The following ZNF704 variants were observed in gnomAD, a reference collection of about 807,000 sequenced individuals.
ZNF704 encodes the protein zinc finger protein 704, also known as glucocorticoid induced gene 1.
In ZNF704, 10 loss-of-function variants were observed where a neutral mutation model predicts 44.7. The ratio of observed to expected loss-of-function variants is 0.22; its 90% CI spans 0.14 to 0.38. ZNF704 has a LOEUF of 0.38. Ranked by LOEUF, ZNF704 falls within the 10% of genes least tolerant of loss-of-function variation. The pLI is 1.00. For synonymous variants in ZNF704, 211 were observed against 207.6 expected (o/e 1.02, Z -0.14); for missense variants, 390 against 545.5 (o/e 0.71, Z 2.84).
At chr8:80,697,429 C>A (rs957315868) in intron 2 of ZNF704, among the ~76,000 whole-genome samples, 2 of 152,178 alleles carry the variant, frequency 1.3e-5, no homozygotes, top group African/African-American at 4.8e-5. Flanking sequence ...AGGGACACTG[C>A]CCCTCCATGC....
intron 2 of ZNF704, among the ~76,000 whole-genome samples, chr8:80,742,931 G>A (rs183686166): frequency 3.2e-4 from 48 of 152,066 alleles, no homozygotes; most frequent in African/African-American, 1.1e-3. Flanking sequence ...GGAAGGTGAC[G>A]CATCCACCTT....
intron 2 of ZNF704, among the ~76,000 whole-genome samples, chr8:80,797,375 G>A (rs925146999): frequency 1.3e-5 from 2 of 152,110 alleles, no homozygotes; most frequent in Admixed American, 6.5e-5. Context: ...CAGTGGCTCC[G>A]CCCCTGCAAA....
At chr8:80,739,423 T>A (rs528378073) in intron 2 of ZNF704, among the ~76,000 whole-genome samples, 6 of 152,024 alleles carry the variant, frequency 3.9e-5, no homozygotes, top group African/African-American at 1.2e-4. Context: ...GCTGTGTAGA[T>A]GGAGAAATGG....
chr8:80,727,029 C>T (rs954469882), intron 2 of ZNF704, among the ~76,000 whole-genome samples: 18 of 151,860 alleles, frequency 1.2e-4, no homozygotes, highest in Non-Finnish European at 2.4e-4. Flanking sequence ...GATTATTATC[C>T]CCATTTTACA....
At chr8:80,694,106 T>C (rs1009534217) in intron 2 of ZNF704, 7 of 152,134 alleles carry the variant, frequency 4.6e-5, no homozygotes, top group African/African-American at 1.7e-4. Flanking sequence ...ACTAGAGCCA[T>C]TTACTGAGAT....
chr8:80,879,452 T>C (rs1586094987), upstream of ZNF704, among the ~76,000 whole-genome samples: 1 of 152,214 alleles, frequency 6.6e-6, no homozygotes, highest in East Asian at 1.9e-4. Context: ...AGGGTTTCAC[T>C]ATGTACAGGC....
intron 1 of ZNF704, among the ~76,000 whole-genome samples, chr8:80,842,090 C>T (rs1808690560): frequency 6.6e-6 from 1 of 152,182 alleles, no homozygotes; most frequent in African/African-American, 2.4e-5. Context: ...AGCTACTGTG[C>T]CTGGCCTAAA....
intron 2 of ZNF704, among the ~76,000 whole-genome samples, chr8:80,780,695 T>C (rs1159022522): frequency 1.3e-5 from 2 of 151,982 alleles, no homozygotes; most frequent in Non-Finnish European, 2.9e-5. Context: ...ATGCGATCAC[T>C]GGGGCAGAGA....
At chr8:80,740,320 C>T (rs747769072) in intron 2 of ZNF704, among the ~76,000 whole-genome samples, 1 of 152,136 alleles carries the variant, frequency 6.6e-6, no homozygotes. Flanking sequence ...ATTAATCCAT[C>T]CTGAAGTCTG....
intron 2 of ZNF704, among the ~76,000 whole-genome samples, chr8:80,809,670 A>G (rs1395643908): frequency 6.6e-6 from 1 of 152,216 alleles, no homozygotes. Flanking sequence ...ACAAAATACG[A>G]TAAAATAGCA....
At chr8:80,821,742 A>T in intron 1 of ZNF704, 127 bp from the exon 2 acceptor site, 1 of 689,968 alleles carries the variant, frequency 1.4e-6, no homozygotes. Flanking sequence ...GTATAATTTT[A>T]ATAAGAAAAA....
intron 7 of ZNF704, among the ~76,000 whole-genome samples, chr8:80,655,031 G>A (rs868556321): frequency 1.5e-4 from 23 of 152,262 alleles, no homozygotes; most frequent in Middle Eastern, 3.4e-3. Flanking sequence ...ATGAGTTCAT[G>A]TCCTTTGTAG....
In ZNF704 at chr8:80,633,694, T is replaced by G. The variant is rs1400559686; in HGVS notation, c.*7672A>C. 1 of 152,182 alleles carries G rather than the reference T, an allele frequency of 6.6e-6. No homozygotes were observed. Among genetic ancestry groups the G allele is most frequent in the Non-Finnish European group, 1.5e-5 (1 of 68,044 alleles). 9.4% of individuals were successfully genotyped at this position (152,182 alleles called of 1,614,324 possible). On this transcript the variant is annotated 3_prime_UTR_variant, in exon 9 of 9. Transcript: ENST00000327835. ...TAATGTTGATTTTAAATATTCCTAT[T>G]CTACACTGGGTTCTTACAAAGATCA...
Position 80,654,781 on chromosome 8 carries a change from A to G in ZNF704, c.1032+4804T>C, listed in dbSNP as rs867135530. Among the ~76,000 whole-genome samples, 1,430 of 152,230 alleles carry G rather than the reference A, an allele frequency of 9.4e-3. 24 individuals are homozygous for G. Among genetic ancestry groups the G allele is most frequent in the African/African-American group, 0.032 (1,310 of 41,518 alleles). ...GTTCAACCATTGTGGAAGTCAGTGTAGCGATTCCTCAGGGATCTAGAACTA... is the reference window on the plus strand; with the variant it reads ...GTTCAACCATTGTGGAAGTCAGTGTGGCGATTCCTCAGGGATCTAGAACTA... On this transcript the variant is annotated intron_variant, in intron 7 of 8. Coordinates refer to ENST00000327835, the MANE Select transcript of ZNF704 (RefSeq NM_001033723.3).
intron 1 of ZNF704, among the ~76,000 whole-genome samples, chr8:80,830,917 C>T (rs1221455686): frequency 6.6e-6 from 1 of 151,808 alleles, no homozygotes; most frequent in Non-Finnish European, 1.5e-5. Context: ...GCCACCACAC[C>T]CAGCTTTTTT....
chr8:80,679,595 A>C (rs1818420809), intron 4 of ZNF704, among the ~76,000 whole-genome samples: 1 of 152,224 alleles, frequency 6.6e-6, no homozygotes, highest in African/African-American at 2.4e-5. Flanking sequence ...CTGAAAATTC[A>C]CACCAGTGGA....
intron 2 of ZNF704, among the ~76,000 whole-genome samples, chr8:80,801,815 A>G (rs1052190885): frequency 2.0e-5 from 3 of 152,148 alleles, no homozygotes; most frequent in African/African-American, 4.8e-5. Flanking sequence ...ACAAGAAATA[A>G]CCAAGATCAG....
chr8:80,762,281 A>T (rs746468246), intron 2 of ZNF704, among the ~76,000 whole-genome samples: 9 of 152,220 alleles, frequency 5.9e-5, no homozygotes, highest in Admixed American at 3.3e-4. Context: ...CTTCATTTTC[A>T]TACTGTTACA....
At chr8:80,861,762 T>A (rs1378842996) in intron 1 of ZNF704, among the ~76,000 whole-genome samples, 10 of 151,474 alleles carry the variant, frequency 6.6e-5, no homozygotes, top group Non-Finnish European at 2.9e-5. Flanking sequence ...TGAATTTCCA[T>A]CTCCAGCTCC....
Sources: allele counts gnomAD v4.1 joint callset (sites outside exome capture counted in the v4.1 genomes callset), GRCh38; gene constraint gnomAD v4.1.1; transcripts MANE v1.5; gene names NCBI Gene and HGNC (gene_info 2026-07-23, HGNC 2026-07-21).